TMPRSS11A: variants seen among roughly 807,000 people sequenced by gnomAD.
The protein encoded by TMPRSS11A is transmembrane protease serine 11A.
A neutral mutation model predicts 58.9 loss-of-function variants in TMPRSS11A; 53 were observed. The observed-to-expected ratio is 0.90, with a 90% CI of 0.72 to 1.13. The LOEUF (loss-of-function observed/expected upper bound fraction) is 1.13, where lower values mean the gene tolerates loss of function less well. Among genes scored for constraint, TMPRSS11A ranks in the 50% most tolerant of loss-of-function variants. The pLI is 0.00. For missense variants in TMPRSS11A, 493 were observed against 499.3 expected, an observed-to-expected ratio of 0.99 and a Z score of 0.12; for synonymous variants, 167 against 169.8, an observed-to-expected ratio of 0.98 and a Z score of 0.13.
intron 5 of TMPRSS11A, 76 bp downstream of exon 5, chr4:67,929,804 G>A (rs1720564080): frequency 1.6e-6 from 2 of 1,269,446 alleles, no homozygotes; most frequent in Non-Finnish European, 2.2e-6. Context: ...TGGAAATAAT[G>A]ACAAATAAAT....
In TMPRSS11A at chr4:67,963,373, C is replaced by G. The variant is rs1161356983; in HGVS notation, c.11+10G>C. The G allele has an allele frequency of 5.0e-6, 8 of 1,613,576 alleles. No homozygotes were observed. Among genetic ancestry groups the G allele is most frequent in the Middle Eastern group, 1.6e-4 (1 of 6,084 alleles). ...CAAACAAGCCATCTATAAAACAGAA[C>G]TGAACTTACCGATACATCATGTACA... On this transcript the variant is annotated intron_variant, in intron 1 of 9. Coordinates refer to ENST00000508048, the MANE Select transcript of TMPRSS11A (RefSeq NM_001114387.2).
intron 7 of TMPRSS11A, among the ~76,000 whole-genome samples, chr4:67,921,389 A>AG (rs1720326710): frequency 6.6e-6 from 1 of 152,168 alleles, no homozygotes; most frequent in South Asian, 2.1e-4. Flanking sequence ...GCTGGAGTGC[A>AG]GTGGTGCAAT....
At chr4:67,929,410 A>G (rs1461357143) in intron 5 of TMPRSS11A, among the ~76,000 whole-genome samples, 4 of 152,244 alleles carry the variant, frequency 2.6e-5, no homozygotes, top group Non-Finnish European at 4.4e-5. Flanking sequence ...GACTCTAACA[A>G]CTTCAAAGTT....
chr4:67,926,443 T>C (rs1407247491), intron 5 of TMPRSS11A, among the ~76,000 whole-genome samples: 3 of 152,244 alleles, frequency 2.0e-5, no homozygotes, highest in Admixed American at 1.3e-4. Flanking sequence ...TCTTAAGTGC[T>C]AGTGATGGCA....
rs762320807 is a variant in TMPRSS11A, at chr4:67,919,187, G to T, written c.738C>A (p.Ile246=). ...HQWTVSFGTK[I]NPPLMKRNVR... is the part of the protein sequence containing the mutation. ...CATTTCTTTTCATTAAGGGAGGGTT[G>T]ATTTTTGTTCCAAAACTAACAGTCC... The change falls in exon 8 of 10, where the codon ATC becomes ATA. Residue 246 remains isoleucine, a synonymous_variant. Transcript: ENST00000508048. The T allele has an allele frequency of 6.2e-7, 1 of 1,613,964 alleles. No homozygotes were observed. Among genetic ancestry groups the T allele is most frequent in the African/African-American group, 1.3e-5 (1 of 74,920 alleles).
At chr4:67,929,331 G>A (rs1720551313) in intron 5 of TMPRSS11A, among the ~76,000 whole-genome samples, 1 of 152,114 alleles carries the variant, frequency 6.6e-6, no homozygotes. Flanking sequence ...AGAGAAAAGT[G>A]GAACAATGTA....
chr4:67,932,531 T>C (rs2109750449), intron 3 of TMPRSS11A, among the ~76,000 whole-genome samples: 1 of 152,286 alleles, frequency 6.6e-6, no homozygotes, highest in African/African-American at 2.4e-5. Flanking sequence ...CTGAATCAAT[T>C]TGAGCCTCAG....
At chr4:67,937,124 C>T (rs1359067943) in intron 3 of TMPRSS11A, among the ~76,000 whole-genome samples, 1 of 152,174 alleles carries the variant, frequency 6.6e-6, no homozygotes, top group Non-Finnish European at 1.5e-5. Context: ...TAAATAGATT[C>T]TCCTGTGAAG....
intron 5 of TMPRSS11A, among the ~76,000 whole-genome samples, chr4:67,925,923 T>C (rs1298044211): frequency 6.6e-6 from 1 of 152,238 alleles, no homozygotes; most frequent in Admixed American, 6.5e-5. Flanking sequence ...AATACACAAG[T>C]AACTAGTTGT....
chr4:67,911,366 C>A lies in TMPRSS11A; in HGVS notation c.1233G>T (p.Trp411Cys), dbSNP rs756200756. The change falls in exon 10 of 10, where the codon TGG becomes TGT. Residue 411 changes from tryptophan (W) to cysteine (C), a missense_variant. Coordinates refer to ENST00000508048, the MANE Select transcript of TMPRSS11A (RefSeq NM_001114387.2). ...VYTQVTYYRN[W>C]IASKTGI ...ATTAGATGCCTGTTTTTGAAGCAAT[C>A]CAGTTTCGGTAATAAGTCACTTGTG... The A allele has an allele frequency of 1.9e-6, 3 of 1,613,192 alleles. No homozygotes were observed. Among genetic ancestry groups the A allele is most frequent in the South Asian group, 2.2e-5 (2 of 90,976 alleles).
intron 6 of TMPRSS11A, 140 bp downstream of exon 6, chr4:67,923,987 AT>A (rs1438179686): frequency 6.3e-6 from 5 of 790,562 alleles, no homozygotes; most frequent in African/African-American, 5.2e-5. Context: ...TAGAAAAAAA[AT>A]GTATTTAAAT....
At chr4:67,930,165 C>G in intron 4 of TMPRSS11A, 125 bp from the exon 5 acceptor site, 1 of 761,758 alleles carries the variant, frequency 1.3e-6, no homozygotes, top group Non-Finnish European at 2.0e-6. Flanking sequence ...CTGATCCTCT[C>G]ATGTCATTCT....
intron 2 of TMPRSS11A, among the ~76,000 whole-genome samples, chr4:67,946,180 C>A (rs1038666898): frequency 1.1e-4 from 16 of 147,868 alleles, no homozygotes; most frequent in African/African-American, 4.0e-4. Flanking sequence ...TGTGTAGATT[C>A]TCAAAAGAAT....
At chr4:67,917,445 T>C (rs1462148341) in intron 8 of TMPRSS11A, among the ~76,000 whole-genome samples, 1 of 152,224 alleles carries the variant, frequency 6.6e-6, no homozygotes, top group Non-Finnish European at 1.5e-5. Context: ...GATTCCATTA[T>C]GATCAGAGAA....
At chr4:67,946,766 C>T (rs1157595961) in intron 1 of TMPRSS11A, among the ~76,000 whole-genome samples, 195 bp from the exon 2 acceptor site, 1 of 151,826 alleles carries the variant, frequency 6.6e-6, no homozygotes, top group Non-Finnish European at 1.5e-5. Flanking sequence ...TAATGTTGCT[C>T]CTGCTTTCTA....
intron 6 of TMPRSS11A, 84 bp downstream of exon 6, chr4:67,924,044 A>G (rs1720399934): frequency 9.1e-7 from 1 of 1,104,406 alleles, no homozygotes; most frequent in Non-Finnish European, 1.4e-6. Flanking sequence ...TCTGGAGGAC[A>G]GATGGGCAAG....
intron 9 of TMPRSS11A, among the ~76,000 whole-genome samples, chr4:67,912,640 AT>A (rs1015673899): frequency 3.9e-5 from 6 of 152,144 alleles, no homozygotes; most frequent in African/African-American, 1.4e-4. Flanking sequence ...TCCCTTTGAA[AT>A]TTGAATGTGT....
chr4:67,938,310 C>T (rs185370086), intron 3 of TMPRSS11A, among the ~76,000 whole-genome samples: 73 of 152,160 alleles, frequency 4.8e-4, no homozygotes, highest in African/African-American at 1.7e-3. Flanking sequence ...GACATTAGAC[C>T]TTTTCAGATG....
chr4:67,933,868 C>A (rs575052306), intron 3 of TMPRSS11A, among the ~76,000 whole-genome samples: 12 of 152,210 alleles, frequency 7.9e-5, no homozygotes, highest in Non-Finnish European at 1.8e-4. Flanking sequence ...TTTGTAATTA[C>A]CCTCTGAATA....
Sources: allele counts gnomAD v4.1 joint callset (sites outside exome capture counted in the v4.1 genomes callset), GRCh38; gene constraint gnomAD v4.1.1; transcripts MANE v1.5; gene names NCBI Gene and HGNC (gene_info 2026-07-23, HGNC 2026-07-21).